The following DPY19L3 variants were observed in gnomAD, a reference collection of about 807,000 sequenced individuals.
The protein encoded by DPY19L3 is dpy-19 like C-mannosyltransferase 3, also known as protein C-mannosyl-transferase DPY19L3.
Under a neutral mutation model 92.3 loss-of-function variants are expected in DPY19L3, and 51 were observed. The observed-to-expected ratio is 0.55, with a 90% CI of 0.44 to 0.70. The LOEUF is 0.70. DPY19L3 is among the 30% of genes least tolerant of loss of function. The pLI, the probability that DPY19L3 is intolerant of heterozygous loss-of-function variation, is 0.00. For missense variants in DPY19L3, 706 were observed against 855.9 expected, an observed-to-expected ratio of 0.82 and a Z score of 2.18; for synonymous variants, 309 against 315.2, an observed-to-expected ratio of 0.98 and a Z score of 0.21.
At chr19:32,453,695 T>C (rs929182790) in intron 9 of DPY19L3, among the ~76,000 whole-genome samples, 2 of 152,154 alleles carry the variant, frequency 1.3e-5, no homozygotes, top group African/African-American at 4.8e-5. Flanking sequence ...GTAGTAATGC[T>C]ACTCTTTTCC....
At position 32,420,648 on chromosome 19, in the gene DPY19L3, C is replaced by T. The variant is rs992715527; in HGVS notation, c.237+9276C>T. Among the ~76,000 whole-genome samples, 3 of 152,138 alleles carry T rather than the reference C, an allele frequency of 2.0e-5. No individual in the cohort carries two copies. In the East Asian group the frequency reaches 5.8e-4, roughly 29 times the overall value. Reference sequence around the variant, plus strand: ...TATTTTTAGTAGAGACGAGGTTTTGCCATGTTGGTCAGGCTGTTCTCAAAC... The same window carrying T: ...TATTTTTAGTAGAGACGAGGTTTTGTCATGTTGGTCAGGCTGTTCTCAAAC... On this transcript the variant is annotated intron_variant, in intron 3 of 18. Coordinates refer to ENST00000392250, the MANE Select transcript of DPY19L3 (RefSeq NM_001172774.2).
At chr19:32,423,275 G>A (rs1017294328) in intron 3 of DPY19L3, among the ~76,000 whole-genome samples, 2 of 152,066 alleles carry the variant, frequency 1.3e-5, no homozygotes, top group African/African-American at 4.8e-5. Context: ...AGCTCGCTCT[G>A]TCGCCTAGGC....
intron 18 of DPY19L3, 44 bp downstream of exon 18, chr19:32,480,601 C>G: frequency 6.4e-7 from 1 of 1,570,732 alleles, no homozygotes; most frequent in Non-Finnish European, 8.6e-7. Flanking sequence ...CCTGGAGGGG[C>G]GGGACTCTGA....
chr19:32,412,175 T>C (rs539169196), intron 3 of DPY19L3: 1 of 152,308 alleles, frequency 6.6e-6, no homozygotes, highest in South Asian at 2.1e-4. Flanking sequence ...CCCAGAATTT[T>C]TATAATCAAG....
intron 8 of DPY19L3, among the ~76,000 whole-genome samples, chr19:32,450,350 A>G (rs1969659692): frequency 6.6e-6 from 1 of 152,190 alleles, no homozygotes; most frequent in South Asian, 2.1e-4. Context: ...TTTAATATAG[A>G]GTTACCATAT....
At chr19:32,463,562 A>G in intron 13 of DPY19L3, 74 bp downstream of exon 13, 3 of 1,498,936 alleles carry the variant, frequency 2.0e-6, no homozygotes, top group East Asian at 2.3e-5. Flanking sequence ...TAATTTGGAA[A>G]GTGACAATCA....
chr19:32,467,215 G>A (rs1344616056), intron 15 of DPY19L3, among the ~76,000 whole-genome samples: 2 of 152,292 alleles, frequency 1.3e-5, no homozygotes, highest in Middle Eastern at 6.8e-3. Context: ...CTTTCATATT[G>A]TTAAAGGAGT....
At chr19:32,413,574 ATATC>A (rs1568323156) in intron 3 of DPY19L3, among the ~76,000 whole-genome samples, 1 of 151,200 alleles carries the variant, frequency 6.6e-6, no homozygotes, top group African/African-American at 2.4e-5. Flanking sequence ...AGCATTAGGT[ATATC>A]TCCCTATGCT....
chr19:32,413,809 A>C (rs8113287), intron 3 of DPY19L3, among the ~76,000 whole-genome samples: 88,866 of 151,660 alleles, frequency 0.59, 26,371 homozygotes, highest in East Asian at 0.63. Flanking sequence ...CAGCCCCCAA[A>C]CTCTGGGCTG....
intron 1 of DPY19L3, chr19:32,406,450 CTT>C: frequency 6.6e-6 from 1 of 152,308 alleles, no homozygotes; most frequent in East Asian, 1.9e-4. Context: ...ACCTCGAACT[CTT>C]GGGCTCAAGC....
At position 32,408,585 on chromosome 19, in the gene DPY19L3, G is replaced by A. The variant is rs144166860; in HGVS notation, c.103+229G>A. Among the ~76,000 whole-genome samples, 3 of 152,114 alleles carry A rather than the reference G, an allele frequency of 2.0e-5. No homozygotes were observed. The East Asian group carries it at 5.8e-4, about 29-fold the overall frequency. ...GTCAGCTGTCTGTTCATTAACTTAC[G>A]GTTCTTCCAATCTCATCCTTTGACT... On this transcript the variant is annotated intron_variant, in intron 2 of 18. Coordinates refer to ENST00000392250, the MANE Select transcript of DPY19L3 (RefSeq NM_001172774.2).
chr19:32,458,015 C>A, intron 10 of DPY19L3, 85 bp from the exon 11 acceptor site: 2 of 1,029,224 alleles, frequency 1.9e-6, no homozygotes, highest in Non-Finnish European at 2.9e-6. Flanking sequence ...AAATTGGACA[C>A]TGAATATGTA....
intron 16 of DPY19L3, among the ~76,000 whole-genome samples, chr19:32,474,512 G>A (rs1195165286): frequency 1.4e-4 from 21 of 152,192 alleles, no homozygotes; most frequent in Non-Finnish European, 2.5e-4. Flanking sequence ...GTAAGCATTA[G>A]TAAATACGTG....
At chr19:32,428,759 G>C (rs961171357) in intron 3 of DPY19L3, among the ~76,000 whole-genome samples, 1 of 151,662 alleles carries the variant, frequency 6.6e-6, no homozygotes, top group Non-Finnish European at 1.5e-5. Flanking sequence ...GTCATTTTTT[G>C]TGTGTGTGTA....
At chr19:32,463,693 G>A (rs1339086518) in intron 13 of DPY19L3, among the ~76,000 whole-genome samples, 176 bp from the exon 14 acceptor site, 1 of 152,140 alleles carries the variant, frequency 6.6e-6, no homozygotes, top group African/African-American at 2.4e-5. Context: ...TTTACTCAAA[G>A]CATAGTCTTG....
At chr19:32,422,799 A>G (rs1031505714) in intron 3 of DPY19L3, among the ~76,000 whole-genome samples, 3 of 152,230 alleles carry the variant, frequency 2.0e-5, no homozygotes, top group Non-Finnish European at 2.9e-5. Flanking sequence ...AAGTTGCTGA[A>G]CTTAAATATG....
intron 10 of DPY19L3, 102 bp from the exon 11 acceptor site, chr19:32,457,998 T>A: frequency 1.2e-6 from 1 of 841,086 alleles, no homozygotes; most frequent in South Asian, 1.7e-5. Flanking sequence ...ACCCACACGC[T>A]CCTGTGAAAT....
At chr19:32,454,472 G>A (rs1969803185) in intron 9 of DPY19L3, among the ~76,000 whole-genome samples, 1 of 152,166 alleles carries the variant, frequency 6.6e-6, no homozygotes, top group African/African-American at 2.4e-5. Context: ...TACTCGGGAG[G>A]CTGAGGCAGG....
intron 9 of DPY19L3, 26 bp downstream of exon 9, chr19:32,453,302 C>G (rs770729672): frequency 6.3e-7 from 1 of 1,578,758 alleles, no homozygotes; most frequent in Non-Finnish European, 8.6e-7. Flanking sequence ...TGTCCTTTAT[C>G]AAAGTAAACT....
Sources: gnomAD v4.1 joint callset for allele counts (sites outside exome capture counted in the v4.1 genomes callset) on GRCh38, gnomAD v4.1.1 for gene constraint, MANE v1.5 for transcripts, NCBI Gene and HGNC (gene_info 2026-07-23, HGNC 2026-07-21) for gene names.